The following UGT2B15 variants were observed in gnomAD, a reference collection of about 807,000 sequenced individuals.
The protein encoded by UGT2B15 is UDP glucuronosyltransferase family 2 member B15, also known as UDP-glucuronosyltransferase 2B15.
A neutral mutation model predicts 45.9 loss-of-function variants in UGT2B15; 36 were observed. The observed-to-expected ratio is 0.78, with a 90% CI of 0.60 to 1.04. The LOEUF (loss-of-function observed/expected upper bound fraction) is 1.04. Ranked by LOEUF, UGT2B15 falls within the 50% of genes least tolerant of loss-of-function variation. The pLI is 0.00. For missense variants in UGT2B15, 617 were observed against 622.4 expected (o/e 0.99, Z 0.09); for synonymous variants, 219 against 216.4 (o/e 1.01, Z -0.11).
At chr4:68,659,872 TAAAA>T (rs1365466275) in intron 3 of UGT2B15, among the ~76,000 whole-genome samples, 31 of 151,178 alleles carry the variant, frequency 2.1e-4, no homozygotes, top group Non-Finnish European at 1.6e-4. Flanking sequence ...ACTGAAATAA[TAAAA>T]AACTAAAGTA....
chr4:68,668,339 T>A, intron 1 of UGT2B15, 151 bp from the exon 2 acceptor site: 6 of 1,148,208 alleles, frequency 5.2e-6, no homozygotes, highest in Non-Finnish European at 7.0e-6. Flanking sequence ...AATACATTTA[T>A]ATATAGTCAT....
rs1732992076 is a variant in UGT2B15 at position 68,662,389 on chromosome 4, G to C, written c.1005+619C>G. Among the ~76,000 whole-genome samples the C allele has an allele frequency of 2.1e-5, 3 of 144,416 alleles. No individual in the cohort carries two copies. The South Asian group carries it at 6.6e-4, about 32-fold the overall frequency. 94.7% of individuals were successfully genotyped at this position (144,416 alleles called of 152,430 possible). A position where few individuals can be genotyped will look rare whatever the true frequency, so the allele number is the denominator to read the frequency against. ...GCACCCAAGTCAGCAGAGCAGACAAGTTTTTTTTTTTTTTCTCTAAATCTA... is the reference window on the plus strand; with the variant it reads ...GCACCCAAGTCAGCAGAGCAGACAACTTTTTTTTTTTTTTCTCTAAATCTA... On this transcript the variant is annotated intron_variant, in intron 3 of 5. Transcript: ENST00000338206.
intron 1 of UGT2B15, among the ~76,000 whole-genome samples, 184 bp from the exon 2 acceptor site, chr4:68,668,372 T>G (rs1733205196): frequency 6.6e-6 from 1 of 152,194 alleles, no homozygotes. Context: ...ATTTATTGCA[T>G]ATGTTGCTCA....
chr4:68,666,352 C>T (rs1733118050), intron 2 of UGT2B15, among the ~76,000 whole-genome samples: 1 of 152,012 alleles, frequency 6.6e-6, no homozygotes, highest in African/African-American at 2.4e-5. Flanking sequence ...TAAATGAAGA[C>T]TGATATCTTA....
rs138762595 is a variant in UGT2B15 at position 68,654,157 on chromosome 4, G to C, written c.1193C>G (p.Ala398Gly). 19 of 1,613,368 alleles carry C rather than the reference G, an allele frequency of 1.2e-5. No homozygotes were observed. The highest frequency in any genetic ancestry group is 1.4e-5 in the Non-Finnish European group (16 of 1,179,664). ...GTGAGCAATGTTATCATGTTGATCC[G>C]CAAACAAGGGAATGCCCACCATAGG... ...GIPMVGIPLFADQHDNIAHMK... is the reference protein window; with the variant it reads ...GIPMVGIPLFGDQHDNIAHMK... The change falls in exon 5 of 6, where the codon GCG (alanine) becomes GGG (glycine). Residue 398 changes from alanine (A) to glycine (G), a missense_variant. Physicochemically the swap from Ala to Gly is moderately conservative, Grantham distance 60 (BLOSUM62 0). Coordinates refer to ENST00000338206, the MANE Select transcript of UGT2B15 (RefSeq NM_001076.4).
In UGT2B15 at chr4:68,647,006, G is replaced by T. The variant is rs1732493307; in HGVS notation, c.*98C>A. On this transcript the variant is annotated 3_prime_UTR_variant, in exon 6 of 6. Coordinates refer to ENST00000338206, the MANE Select transcript of UGT2B15 (RefSeq NM_001076.4). Reference sequence around the variant, plus strand: ...AAGGTAAGTTGTGAAAAGATGTTTTGTCACAGGAAAAAGGAAATCCTCCAT... The same window carrying T: ...AAGGTAAGTTGTGAAAAGATGTTTTTTCACAGGAAAAAGGAAATCCTCCAT... 6.7e-7 allele frequency: 1 copy of T among 1,498,318 alleles called. No individual in the cohort carries two copies. The highest frequency in any genetic ancestry group is 1.4e-5 in the African/African-American group (1 of 71,354). The allele number at this position is 1,498,318 out of a possible 1,614,324, so 92.8% of individuals were successfully genotyped here.
At position 68,654,185 on chromosome 4, in the gene UGT2B15, T is replaced by A. The variant is rs1278160405; in HGVS notation, c.1165A>T (p.Ile389Phe). The A allele has an allele frequency of 6.2e-7, 1 of 1,613,536 alleles. No individual in the cohort carries two copies. The highest frequency in any genetic ancestry group is 1.3e-5 in the African/African-American group (1 of 74,834). ...NGIYEAIYHG[I>F]PMVGIPLFAD... is the part of the protein sequence containing the mutation. The stretch of plus-strand genomic sequence containing the variant: ...AACAAGGGAATGCCCACCATAGGGA[T>A]CCCATGGTAGATCGCCTCATAGATG... Residue 389 changes from isoleucine to phenylalanine, a missense_variant, in exon 5 of 6, where the codon ATC (isoleucine) becomes TTC (phenylalanine). This residue lies in a region of UGT2B15 where 265 missense variants were observed against 245.1 expected (regional missense o/e 1.08). Transcript: ENST00000338206.
At position 68,648,420 on chromosome 4, in the gene UGT2B15, G is replaced by C. The variant is rs151269098; in HGVS notation, c.1314-1037C>G. On this transcript the variant is annotated intron_variant, in intron 5 of 5. Coordinates refer to ENST00000338206, the MANE Select transcript of UGT2B15 (RefSeq NM_001076.4). The stretch of plus-strand genomic sequence containing the variant: ...TCTTTCTTGCAACTACTTGAGGTTT[G>C]CTTCTATTTCTTTTTGAGGCTTCCC... 1.7e-3 allele frequency among the ~76,000 whole-genome samples: 264 copies of C among 152,112 alleles called. 1 individual carries two copies. Among genetic ancestry groups the C allele is most frequent in the African/African-American group, 6.0e-3 (249 of 41,492 alleles).
chr4:68,648,880 G>T (rs946718508), intron 5 of UGT2B15, among the ~76,000 whole-genome samples: 1 of 152,002 alleles, frequency 6.6e-6, no homozygotes, highest in African/African-American at 2.4e-5. Flanking sequence ...TCAGTTGATT[G>T]ACAAAGACCA....
chr4:68,648,728 T>C (rs1211928967), intron 5 of UGT2B15, among the ~76,000 whole-genome samples: 1 of 152,134 alleles, frequency 6.6e-6, no homozygotes, highest in African/African-American at 2.4e-5. Context: ...GCCATTTTAG[T>C]CACTATTTTT....
rs778020249 is a variant in UGT2B15, at chr4:68,670,111, G to A, written c.508C>T (p.Leu170=). 3.1e-6 allele frequency: 5 copies of A among 1,613,996 alleles called. No individual in the cohort carries two copies. The African/African-American group carries it at 5.3e-5, about 17-fold the overall frequency. The change falls in exon 1 of 6, where the codon CTG becomes TTG. Residue 170 remains leucine (L), a synonymous_variant. Transcript: ENST00000338206. ...LLAELFNIPF[L]YSLRFSVGYT... The stretch of plus-strand genomic sequence containing the variant: ...CCAACAGAGAATCGAAGACTGTACA[G>A]AAAGGGTATGTTAAATAGTTCAGCC...
At chr4:68,650,094 A>G (rs1354238459) in intron 5 of UGT2B15, among the ~76,000 whole-genome samples, 2 of 152,022 alleles carry the variant, frequency 1.3e-5, no homozygotes, top group African/African-American at 4.8e-5. Flanking sequence ...TCAGCCTCCC[A>G]AAGTGCTGGG....
At position 68,665,979 on chromosome 4, in the gene UGT2B15, G is replaced by C. The variant is rs532746208; in HGVS notation, c.873+2061C>G. Among the ~76,000 whole-genome samples the C allele has an allele frequency of 4.6e-5, 7 of 152,170 alleles. No individual in the cohort carries two copies. In the East Asian group the frequency reaches 7.7e-4, roughly 17 times the overall value. ...GGAGAATCAGATCGCTTGAACCTGG[G>C]GGGTGGAGGTTTCAGTGAGCCGAGA... On this transcript the variant is annotated intron_variant, in intron 2 of 5. Coordinates refer to ENST00000338206, the MANE Select transcript of UGT2B15 (RefSeq NM_001076.4).
chr4:68,649,104 T>A (rs1323507454), intron 5 of UGT2B15, among the ~76,000 whole-genome samples: 1 of 151,898 alleles, frequency 6.6e-6, no homozygotes, highest in Non-Finnish European at 1.5e-5. Context: ...AAAAATATTT[T>A]TTATTTTAAA....
chr4:68,664,581 T>TC (rs1733064758), intron 2 of UGT2B15, among the ~76,000 whole-genome samples: 2 of 152,166 alleles, frequency 1.3e-5, no homozygotes, highest in African/African-American at 4.8e-5. Context: ...CTTTTTTTTT[T>TC]TTCCAGATGG....
rs1410293087 is a variant in UGT2B15 at position 68,654,090 on chromosome 4, G to A, written c.1260C>T (p.Thr420=). The change falls in exon 5 of 6, where the codon ACC becomes ACT. Residue 420 remains threonine, a synonymous_variant. Coordinates refer to ENST00000338206, the MANE Select transcript of UGT2B15 (RefSeq NM_001076.4). The stretch of plus-strand genomic sequence containing the variant: ...CATTGAGCAAATCTCTACTTGACAT[G>A]GTCCTGATGTCCACACTGAGGGCTG... ...KGAALSVDIR[T]MSSRDLLNAL... The A allele has an allele frequency of 6.2e-7, 1 of 1,613,480 alleles. No homozygotes were observed. The highest frequency in any genetic ancestry group is 1.3e-5 in the African/African-American group (1 of 74,942).
chr4:68,670,456 C>T lies in UGT2B15; in HGVS notation c.163G>A (p.Val55Met). Reference protein sequence around the residue: ...ELVQRGHEVTVLTSSASTLVN... With the variant: ...ELVQRGHEVTMLTSSASTLVN... ...AGAGTAGAAGCCGAAGATGTCAACACAGTCACCTCATGACCCCTCTGAACA... is the reference window on the plus strand; with the variant it reads ...AGAGTAGAAGCCGAAGATGTCAACATAGTCACCTCATGACCCCTCTGAACA... Residue 55 changes from valine (V) to methionine (M), a missense_variant, in exon 1 of 6, where the codon GTG becomes ATG. By Grantham distance (21) the Val-to-Met change is conservative (BLOSUM62 1). This residue lies in a region of UGT2B15 where 351 missense variants were observed against 342.1 expected (regional missense o/e 1.03). Transcript: ENST00000338206. 6.2e-7 allele frequency: 1 copy of T among 1,614,056 alleles called. No individual in the cohort carries two copies. The highest frequency in any genetic ancestry group is 8.5e-7 in the Non-Finnish European group (1 of 1,180,002).
intron 4 of UGT2B15, among the ~76,000 whole-genome samples, chr4:68,654,542 T>A (rs570401485): frequency 1.3e-5 from 2 of 151,926 alleles, no homozygotes; most frequent in South Asian, 4.1e-4. Flanking sequence ...TTTACATATT[T>A]AAAAAATATT....
chr4:68,647,711 C>T (rs1408429181), intron 5 of UGT2B15, among the ~76,000 whole-genome samples: 2 of 151,816 alleles, frequency 1.3e-5, no homozygotes, highest in East Asian at 3.9e-4. Flanking sequence ...TCTTTTTGAT[C>T]TTTTTAATTT....
Sources: gnomAD v4.1 joint callset for allele counts (sites outside exome capture counted in the v4.1 genomes callset) on GRCh38, gnomAD v4.1.1 for gene constraint, gnomAD v4.1.1 regional missense constraint, MANE v1.5 for transcripts, NCBI Gene and HGNC (gene_info 2026-07-23, HGNC 2026-07-21) for gene names.